PTCD2: variants seen among roughly 807,000 people sequenced by gnomAD.
The protein encoded by PTCD2 is pentatricopeptide repeat domain 2, also known as pentatricopeptide repeat-containing protein 2, mitochondrial.
In PTCD2, 31 loss-of-function variants were observed where a neutral mutation model predicts 42.6. The observed-to-expected ratio is 0.73, with a 90% confidence interval of 0.55 to 0.98. PTCD2 has a LOEUF of 0.98. Among genes scored for constraint, PTCD2 ranks in the 50% least tolerant of loss-of-function variants. The pLI is 0.00. For synonymous variants in PTCD2, 183 were observed against 170.9 expected (o/e 1.07, Z -0.55); for missense variants, 476 against 454.8 (o/e 1.05, Z -0.42).
At chr5:72,325,130 C>T (rs919861386) in intron 2 of PTCD2, among the ~76,000 whole-genome samples, 6 of 152,174 alleles carry the variant, frequency 3.9e-5, no homozygotes, top group Admixed American at 2.6e-4. Flanking sequence ...ACCATGGTGG[C>T]GAGGCTGGTT....
intron 5 of PTCD2, 64 bp downstream of exon 5, chr5:72,335,160 G>T: frequency 1.1e-6 from 1 of 890,504 alleles, no homozygotes; most frequent in Non-Finnish European, 1.9e-6. Flanking sequence ...GGAACTAGGG[G>T]GAAAAATGAG....
At chr5:72,326,877 T>A in intron 3 of PTCD2, 136 bp downstream of exon 3, 2 of 811,352 alleles carry the variant, frequency 2.5e-6, no homozygotes, top group Non-Finnish European at 3.9e-6. Flanking sequence ...GATGCCTACC[T>A]TGAACTCCAG....
chr5:72,341,141 G>A (rs1457160294), intron 7 of PTCD2, among the ~76,000 whole-genome samples: 2 of 151,856 alleles, frequency 1.3e-5, no homozygotes, highest in African/African-American at 2.4e-5. Context: ...TATTTTAGTA[G>A]GCGTGTGCCC....
chr5:72,366,589 G>A lies in PTCD2; in HGVS notation c.*8162G>A, dbSNP rs1234284235. ...GCGTCCAGAGTCACTATTTTTAAAA[G>A]GTGCTAGTTTTCAAAAGCATTTCTG... On this transcript the variant is annotated 3_prime_UTR_variant, in exon 10 of 10. Coordinates refer to ENST00000380639, the MANE Select transcript of PTCD2 (RefSeq NM_024754.5). The A allele has an allele frequency of 6.6e-6, 1 of 152,204 alleles. No individual in the cohort carries two copies. Among genetic ancestry groups the A allele is most frequent in the Non-Finnish European group, 1.5e-5 (1 of 68,044 alleles). 9.4% of individuals were successfully genotyped at this position (152,204 alleles called of 1,614,324 possible).
intron 8 of PTCD2, among the ~76,000 whole-genome samples, chr5:72,349,387 C>T (rs1025336847): frequency 6.6e-6 from 1 of 152,188 alleles, no homozygotes; most frequent in South Asian, 2.1e-4. Context: ...GAGTTTCGTA[C>T]ATACATGAAA....
rs1751713945 is a variant in PTCD2 at position 72,335,898 on chromosome 5, C to G, written c.639+13C>G. 6.5e-7 allele frequency: 1 copy of G among 1,533,612 alleles called. No homozygotes were observed. Among genetic ancestry groups the G allele is most frequent in the Non-Finnish European group, 9.0e-7 (1 of 1,107,138 alleles). Reference sequence around the variant, plus strand: ...TTGCTACAAACTGGTAAGACTCTTTCCTCTTAACTTTGAGAGCATTGTGTG... The same window carrying G: ...TTGCTACAAACTGGTAAGACTCTTTGCTCTTAACTTTGAGAGCATTGTGTG... On this transcript the variant is annotated intron_variant, in intron 6 of 9. Transcript: ENST00000380639.
intron 8 of PTCD2, among the ~76,000 whole-genome samples, chr5:72,343,375 G>T (rs1752175633): frequency 1.3e-5 from 2 of 152,160 alleles, no homozygotes; most frequent in Admixed American, 1.3e-4. Context: ...GATCCTCCAG[G>T]CCCTTTACCA....
intron 9 of PTCD2, among the ~76,000 whole-genome samples, chr5:72,357,066 T>C (rs969685385): frequency 6.6e-6 from 1 of 152,206 alleles, no homozygotes; most frequent in Non-Finnish European, 1.5e-5. Context: ...TACCATCATA[T>C]ACTTGTGACT....
At chr5:72,353,581 G>GAGTT in intron 9 of PTCD2, among the ~76,000 whole-genome samples, 1 of 152,206 alleles carries the variant, frequency 6.6e-6, no homozygotes, top group East Asian at 1.9e-4. Context: ...GGGGCAGTAA[G>GAGTT]AGTTGCTAGG....
chr5:72,320,509 G>T lies in PTCD2; in HGVS notation c.127G>T (p.Ala43Ser), dbSNP rs758504023. The stretch of plus-strand genomic sequence containing the variant: ...TGTCAGCTGCCGCTGCCCTCTCGGA[G>T]GTATCCGCGGCTTTAGCCTAGGGAA... ...GSVSCRCPLG[A>S]KRYLLTDNVV... is the part of the protein sequence containing the mutation. The change falls in exon 1 of 10, where the codon GCT becomes TCT. Residue 43 changes from alanine to serine, a missense_variant and splice_region_variant. Physicochemically the swap from Ala to Ser is moderately conservative, Grantham distance 99. Coordinates refer to ENST00000380639, the MANE Select transcript of PTCD2 (RefSeq NM_024754.5). 3 of 1,613,808 alleles carry T rather than the reference G, an allele frequency of 1.9e-6. No individual in the cohort carries two copies. The highest frequency in any genetic ancestry group is 2.5e-6 in the Non-Finnish European group (3 of 1,180,042).
chr5:72,357,123 T>G (rs1352484047), intron 9 of PTCD2, among the ~76,000 whole-genome samples: 1 of 152,198 alleles, frequency 6.6e-6, no homozygotes, highest in Admixed American at 6.5e-5. Context: ...TGCCCCAGAC[T>G]TGTATATCCA....
rs1173403896 is a variant in PTCD2, at chr5:72,358,954, A to G, written c.*527A>G. The stretch of plus-strand genomic sequence containing the variant: ...CAATAATGCCTATGTGTCTTTGCAT[A>G]TAGATTTGAAATCTTCATTCAAGGT... On this transcript the variant is annotated 3_prime_UTR_variant, in exon 10 of 10. Transcript: ENST00000380639. The G allele has an allele frequency of 6.5e-6, 1 of 154,200 alleles. No individual in the cohort carries two copies. The highest frequency in any genetic ancestry group is 1.9e-4 in the East Asian group (1 of 5,236). The allele number at this position is 154,200 out of a possible 1,614,324, so 9.6% of individuals were successfully genotyped here. A position where few individuals can be genotyped will look rare whatever the true frequency, so the allele number is the denominator to read the frequency against.
intron 9 of PTCD2, among the ~76,000 whole-genome samples, chr5:72,356,580 A>G (rs1257943258): frequency 6.6e-6 from 1 of 152,244 alleles, no homozygotes; most frequent in African/African-American, 2.4e-5. Flanking sequence ...ACTATAAACT[A>G]TCATAGGTGC....
At chr5:72,339,568 A>G (rs1367409787) in intron 7 of PTCD2, among the ~76,000 whole-genome samples, 1 of 152,142 alleles carries the variant, frequency 6.6e-6, no homozygotes, top group Non-Finnish European at 1.5e-5. Flanking sequence ...CTGCTGGGCC[A>G]AGATCATTTC....
chr5:72,338,875 A>G (rs953035291), intron 7 of PTCD2, 140 bp downstream of exon 7: 16 of 505,054 alleles, frequency 3.2e-5, no homozygotes, highest in Non-Finnish European at 5.0e-5. Context: ...CTTTGTTGCC[A>G]TGGCAACCTA....
At chr5:72,350,034 G>T (rs190660589) in intron 8 of PTCD2, among the ~76,000 whole-genome samples, 21 of 152,308 alleles carry the variant, frequency 1.4e-4, no homozygotes, top group Non-Finnish European at 1.2e-4. Context: ...ATTGCTGGGG[G>T]AACCAAGCTC....
At position 72,358,223 on chromosome 5, in the gene PTCD2, A is replaced by G; in HGVS notation, c.963A>G (p.Lys321=). 1 of 1,613,996 alleles carries G rather than the reference A, an allele frequency of 6.2e-7. No individual in the cohort carries two copies. The highest frequency in any genetic ancestry group is 1.1e-5 in the South Asian group (1 of 91,048). The stretch of plus-strand genomic sequence containing the variant: ...TCCAGCTGGCCAAAGTGAGGGAAAA[A>G]GTGAAGGATGTGCCTGCCCTTGTGG... ...SEEVLAKVRE[K]VKDVPALVAK... is the part of the protein sequence containing the mutation. Residue 321 remains lysine, a synonymous_variant, in exon 10 of 10, where the codon AAA becomes AAG. Coordinates refer to ENST00000380639, the MANE Select transcript of PTCD2 (RefSeq NM_024754.5).
intron 6 of PTCD2, among the ~76,000 whole-genome samples, chr5:72,337,771 C>A (rs1751832706): frequency 6.6e-6 from 1 of 152,090 alleles, no homozygotes; most frequent in Admixed American, 6.6e-5. Context: ...CCAGCCTGGG[C>A]AACAGAGCGA....
intron 9 of PTCD2, 49 bp downstream of exon 9, chr5:72,352,803 T>C: frequency 1.0e-6 from 1 of 954,362 alleles, no homozygotes; most frequent in Non-Finnish European, 1.6e-6. Flanking sequence ...AAGGACACTC[T>C]TAAAAATGTC....
Sources: allele counts gnomAD v4.1 joint callset (sites outside exome capture counted in the v4.1 genomes callset), GRCh38; gene constraint gnomAD v4.1.1; transcripts MANE v1.5; gene names NCBI Gene and HGNC (gene_info 2026-07-23, HGNC 2026-07-21).